The following SHISA9 variants were observed in gnomAD, a reference collection of about 807,000 sequenced individuals.
SHISA9 encodes protein shisa-9.
Under a neutral mutation model 38.0 loss-of-function variants are expected in SHISA9, and 13 were observed. That is an observed-to-expected ratio of 0.34 (90% CI 0.22 to 0.54). The LOEUF is 0.54. Ranked by LOEUF, SHISA9 falls within the 20% of genes least tolerant of loss-of-function variation. The probability of loss-of-function intolerance (pLI) is 0.91; values close to 1 mark genes in which losing one functional copy is unlikely to be tolerated. For synonymous variants in SHISA9, 275 were observed against 242.0 expected (o/e 1.14, Z -1.27); for missense variants, 538 against 575.8 (o/e 0.93, Z 0.67).
chr16:13,340,854 A>T, the SHISA9 span, among the ~76,000 whole-genome samples: 1 of 152,034 alleles, frequency 6.6e-6, no homozygotes, highest in Admixed American at 6.6e-5. Flanking sequence ...TCTGCAGGGA[A>T]CACAAGCCCA....
chr16:13,282,246 T>G, the SHISA9 span, among the ~76,000 whole-genome samples: 1 of 151,976 alleles, frequency 6.6e-6, no homozygotes, highest in Non-Finnish European at 1.5e-5. Context: ...CCTTTAGTTT[T>G]GAAGGCTATT....
intron 2 of SHISA9, among the ~76,000 whole-genome samples, chr16:13,078,751 A>G (rs2073613326): frequency 6.6e-6 from 1 of 152,140 alleles, no homozygotes; most frequent in South Asian, 2.1e-4. Context: ...CCCTTGGATA[A>G]GGAGGGCTGA....
chr16:13,354,979 G>T, the SHISA9 span, among the ~76,000 whole-genome samples: 1 of 150,384 alleles, frequency 6.6e-6, no homozygotes, highest in Non-Finnish European at 1.5e-5. Context: ...ATGGGTGTCA[G>T]GGTCAGTCCA....
At chr16:13,402,200 C>T in the SHISA9 span, among the ~76,000 whole-genome samples, 1 of 152,086 alleles carries the variant, frequency 6.6e-6, no homozygotes, top group African/African-American at 2.4e-5. Flanking sequence ...TGAGAAGTCC[C>T]ACAACATGCT....
chr16:13,486,138 C>G, the SHISA9 span, among the ~76,000 whole-genome samples: 1 of 152,198 alleles, frequency 6.6e-6, no homozygotes. Context: ...GGATGGGCAT[C>G]TGATCCAGGC....
At chr16:13,092,600 G>A (rs922573936) in intron 2 of SHISA9, among the ~76,000 whole-genome samples, 1 of 152,252 alleles carries the variant, frequency 6.6e-6, no homozygotes. Context: ...CATTGAGCAA[G>A]GCTCCATGGG....
At chr16:13,333,325 G>C in the SHISA9 span, among the ~76,000 whole-genome samples, 2 of 152,202 alleles carry the variant, frequency 1.3e-5, no homozygotes, top group Non-Finnish European at 2.9e-5. Flanking sequence ...TGGAGCAGAG[G>C]AGGCTGGTTT....
the SHISA9 span, among the ~76,000 whole-genome samples, chr16:13,436,818 G>A: frequency 6.6e-6 from 1 of 152,182 alleles, no homozygotes; most frequent in African/African-American, 2.4e-5. Flanking sequence ...GTTTGGCCAC[G>A]TGATTTGCTA....
chr16:13,291,262 T>C, the SHISA9 span, among the ~76,000 whole-genome samples: 1 of 152,202 alleles, frequency 6.6e-6, no homozygotes, highest in African/African-American at 2.4e-5. Context: ...TTCCACCATT[T>C]TTTATTGATC....
chr16:13,449,510 T>C, the SHISA9 span, among the ~76,000 whole-genome samples: 162 of 152,342 alleles, frequency 1.1e-3, 2 homozygotes, highest in East Asian at 7.7e-3. Context: ...GGGAATACTC[T>C]ATATCTTGAT....
chr16:13,167,159 G>A (rs953606728), intron 2 of SHISA9, among the ~76,000 whole-genome samples: 9 of 143,594 alleles, frequency 6.3e-5, no homozygotes, highest in East Asian at 2.1e-4. Flanking sequence ...TGCAACCTCC[G>A]CCTCCTGGGT....
At chr16:13,034,110 A>G (rs2073024545) in intron 2 of SHISA9, among the ~76,000 whole-genome samples, 1 of 149,616 alleles carries the variant, frequency 6.7e-6, no homozygotes, top group African/African-American at 2.5e-5. Context: ...GTGTCATTGC[A>G]CTCCAGCCTG....
At chr16:12,904,978 A>G (rs1292937366) in intron 1 of SHISA9, among the ~76,000 whole-genome samples, 1 of 152,122 alleles carries the variant, frequency 6.6e-6, no homozygotes, top group African/African-American at 2.4e-5. Context: ...TCAGCCTCCC[A>G]AAGTGCTAGG....
intron 2 of SHISA9, among the ~76,000 whole-genome samples, chr16:12,955,648 C>T (rs1418915353): frequency 7.5e-6 from 1 of 133,740 alleles, no homozygotes; most frequent in South Asian, 2.3e-4. Context: ...AAAAAAAAAA[C>T]AATGGGGAAA....
the SHISA9 span, among the ~76,000 whole-genome samples, chr16:13,391,038 A>T: frequency 6.6e-6 from 1 of 152,198 alleles, no homozygotes; most frequent in Non-Finnish European, 1.5e-5. Context: ...CATGAGAGAG[A>T]ACAGGAGTGG....
intron 3 of SHISA9, among the ~76,000 whole-genome samples, chr16:13,212,805 A>T (rs1400091151): frequency 1.3e-5 from 2 of 152,126 alleles, no homozygotes; most frequent in Non-Finnish European, 2.9e-5. Context: ...TGGGGCTAAT[A>T]ATGTGCCCCT....
intron 1 of SHISA9, among the ~76,000 whole-genome samples, chr16:12,912,500 C>T (rs771822075): frequency 3.3e-5 from 5 of 152,082 alleles, no homozygotes; most frequent in African/African-American, 7.2e-5. Flanking sequence ...GCTTCTTGCT[C>T]GAGAAACATG....
chr16:13,472,103 C>T, the SHISA9 span, among the ~76,000 whole-genome samples: 3 of 152,252 alleles, frequency 2.0e-5, no homozygotes, highest in Admixed American at 6.5e-5. Context: ...TGTTTTCATT[C>T]CCTGTTCTGA....
the SHISA9 span, among the ~76,000 whole-genome samples, chr16:13,478,862 C>T: frequency 6.6e-6 from 1 of 152,144 alleles, no homozygotes; most frequent in African/African-American, 2.4e-5. Flanking sequence ...ACTCAATAAG[C>T]CACCTGGGCG....
Sources: gnomAD v4.1 joint callset for allele counts (sites outside exome capture counted in the v4.1 genomes callset) on GRCh38, gnomAD v4.1.1 for gene constraint, MANE v1.5 for transcripts, NCBI Gene and HGNC (gene_info 2026-07-23, HGNC 2026-07-21) for gene names.